Variants in INPP4A observed in about 807,000 individuals in gnomAD.
INPP4A encodes the protein inositol polyphosphate-4-phosphatase, type I, 107kD.
A neutral mutation model predicts 119.8 loss-of-function variants in INPP4A; 33 were observed. The observed-to-expected ratio is 0.28, with a 90% CI of 0.21 to 0.37. INPP4A has a LOEUF of 0.37. Ranked by LOEUF, INPP4A falls within the 10% of genes least tolerant of loss-of-function variation. The pLI is 1.00. For synonymous variants in INPP4A, 496 were observed against 500.7 expected (o/e 0.99, Z 0.12); for missense variants, 956 against 1,289.9 (o/e 0.74, Z 3.97).
chr2:98,583,750 C>T lies in INPP4A; in HGVS notation c.2787-3726C>T, dbSNP rs191794734. The stretch of plus-strand genomic sequence containing the variant: ...AAACCCAGTCGACCACAAAAGGCAG[C>T]GAGCGACCTCTCTTCATTATCTCTC... On this transcript the variant is annotated intron_variant, in intron 24 of 24. Transcript: ENST00000409851. Among the ~76,000 whole-genome samples, 82 of 152,298 alleles carry T rather than the reference C, an allele frequency of 5.4e-4. 3 individuals carry two copies. The South Asian group carries it at 0.016, about 30-fold the overall frequency.
At chr2:98,485,152 G>A (rs559779966) in intron 1 of INPP4A, among the ~76,000 whole-genome samples, 3 of 152,338 alleles carry the variant, frequency 2.0e-5, no homozygotes, top group African/African-American at 7.2e-5. Context: ...TGGTAGTGGA[G>A]ACCATCCTGA....
chr2:98,566,379 C>T lies in INPP4A; in HGVS notation c.2420+210C>T, dbSNP rs1188116574. Among the ~76,000 whole-genome samples the T allele has an allele frequency of 6.6e-6, 1 of 152,088 alleles. No individual in the cohort carries two copies. Among genetic ancestry groups the T allele is most frequent in the Non-Finnish European group, 1.5e-5 (1 of 68,014 alleles). ...GAGGTGGTCTCTGTCCTCAGGGACT[C>T]AGCTGGTGGGAGAGAGAGAGACATG... On this transcript the variant is annotated intron_variant, in intron 21 of 24. Transcript: ENST00000409851. The surrounding 1 kb of genome is among the most constrained non-coding windows in gnomAD (Gnocchi z 4.2).
intron 1 of INPP4A, among the ~76,000 whole-genome samples, chr2:98,487,084 C>A (rs1282894692): frequency 1.3e-5 from 2 of 152,208 alleles, no homozygotes; most frequent in African/African-American, 4.8e-5. Context: ...AGAAAAGTTG[C>A]AAAGAGTGCC....
intron 1 of INPP4A, among the ~76,000 whole-genome samples, chr2:98,460,047 A>G (rs773327115): frequency 4.0e-5 from 6 of 150,352 alleles, no homozygotes; most frequent in Admixed American, 2.0e-4. Context: ...GCTGGAACCT[A>G]GGTCTGCTTC....
At chr2:98,455,007 C>T (rs554280989) in intron 1 of INPP4A, among the ~76,000 whole-genome samples, 9 of 152,228 alleles carry the variant, frequency 5.9e-5, no homozygotes, top group Middle Eastern at 3.4e-3. Flanking sequence ...GTATGTTTGA[C>T]AGAACCCAAT....
At position 98,559,443 on chromosome 2, in the gene INPP4A, C is replaced by G. The variant is rs771496389; in HGVS notation, c.1823-20C>G. ...TGTGCTGCTCCTTAATCATCCATGT[C>G]GCCCTCCATTTCTGTGCAGATTGCA... is the stretch of plus-strand genomic sequence containing the variant. On this transcript the variant is annotated intron_variant, in intron 16 of 24. Coordinates refer to ENST00000409851, the MANE Select transcript of INPP4A (RefSeq NM_001134225.2). 6.2e-7 allele frequency: 1 copy of G among 1,613,756 alleles called. No homozygotes were observed. The highest frequency in any genetic ancestry group is 1.3e-5 in the African/African-American group (1 of 74,922).
chr2:98,577,920 A>G (rs1388346816), intron 24 of INPP4A, among the ~76,000 whole-genome samples: 2 of 152,122 alleles, frequency 1.3e-5, no homozygotes, highest in Admixed American at 6.5e-5. Flanking sequence ...ACTTCTACTA[A>G]ATGTTCTGTA....
At chr2:98,533,545 G>A (rs745529706) in intron 5 of INPP4A, 50 bp downstream of exon 5, 1 of 1,089,256 alleles carries the variant, frequency 9.2e-7, no homozygotes, top group Non-Finnish European at 1.4e-6. Flanking sequence ...TGCTCTAGTG[G>A]TGTCTCTTGT....
At chr2:98,538,775 G>T in intron 8 of INPP4A, 116 bp from the exon 9 acceptor site, 1 of 661,812 alleles carries the variant, frequency 1.5e-6, no homozygotes, top group Non-Finnish European at 2.8e-6. Flanking sequence ...AGAGTTCATG[G>T]TGGATATTCA....
Position 98,566,174 on chromosome 2 carries a change from G to A in INPP4A, c.2420+5G>A, listed in dbSNP as rs1372493563. 6.3e-6 allele frequency: 10 copies of A among 1,580,824 alleles called. No individual in the cohort carries two copies. Among genetic ancestry groups the A allele is most frequent in the Non-Finnish European group, 7.8e-6 (9 of 1,159,600 alleles). ...GCAGCAGACACTGGCCGAGAGGTGC[G>A]TGCCGGCTCCTCGGGGCTGCGGGGG... On this transcript the variant is annotated splice_donor_5th_base_variant and intron_variant, in intron 21 of 24. Transcript: ENST00000409851. The surrounding 1 kb of genome is among the most constrained non-coding windows in gnomAD (Gnocchi z 4.2).
intron 1 of INPP4A, among the ~76,000 whole-genome samples, chr2:98,486,271 G>A (rs954676842): frequency 2.0e-5 from 3 of 152,222 alleles, no homozygotes; most frequent in African/African-American, 7.2e-5. Context: ...ATATATGCTG[G>A]TGATGCTGTG....
chr2:98,562,057 A>G (rs1292061884), intron 17 of INPP4A, among the ~76,000 whole-genome samples: 1 of 152,204 alleles, frequency 6.6e-6, no homozygotes. Flanking sequence ...GCCTGTGGTC[A>G]CCTCTGCTCA....
chr2:98,496,413 A>G (rs1047107567), intron 1 of INPP4A, among the ~76,000 whole-genome samples: 1 of 152,222 alleles, frequency 6.6e-6, no homozygotes. Flanking sequence ...AACTGACACT[A>G]TGAAACTGCT....
At chr2:98,446,137 C>A (rs933460364) in intron 1 of INPP4A, among the ~76,000 whole-genome samples, 2 of 152,188 alleles carry the variant, frequency 1.3e-5, no homozygotes, top group African/African-American at 4.8e-5. Flanking sequence ...GACTCTGGTT[C>A]TTATCTCTAA....
At position 98,546,294 on chromosome 2, in the gene INPP4A, A is replaced by G. The variant is rs564736314; in HGVS notation, c.1054+221A>G. On this transcript the variant is annotated intron_variant, in intron 12 of 24. Coordinates refer to ENST00000409851, the MANE Select transcript of INPP4A (RefSeq NM_001134225.2). This position sits in a 1 kb window ranked among gnomAD's most constrained non-coding sequence, Gnocchi z 4.2. ...GCTTCCCTTTGTATTTCTGCAGTAG[A>G]AAGTTGCCTGTCGGCCCTTCTTCCC... 1.3e-5 allele frequency among the ~76,000 whole-genome samples: 2 copies of G among 152,332 alleles called. No homozygotes were observed. Among genetic ancestry groups the G allele is most frequent in the African/African-American group, 4.8e-5 (2 of 41,570 alleles).
intron 1 of INPP4A, among the ~76,000 whole-genome samples, chr2:98,461,247 G>C (rs1430905327): frequency 6.6e-6 from 1 of 152,232 alleles, no homozygotes; most frequent in Non-Finnish European, 1.5e-5. Context: ...ACTTCACTAT[G>C]CCACATGATG....
chr2:98,590,868 C>A lies in INPP4A; in HGVS notation c.*3260C>A, dbSNP rs1233828915. On this transcript the variant is annotated 3_prime_UTR_variant, in exon 25 of 25. Coordinates refer to ENST00000409851, the MANE Select transcript of INPP4A (RefSeq NM_001134225.2). Reference sequence around the variant, plus strand: ...AACATGTGCCTTTTCCCTTTATTCTCATTGATGGTAGCAGTGCACCTCGTT... The same window carrying A: ...AACATGTGCCTTTTCCCTTTATTCTAATTGATGGTAGCAGTGCACCTCGTT... The A allele has an allele frequency of 4.3e-6, 1 of 230,862 alleles. No homozygotes were observed. Among genetic ancestry groups the A allele is most frequent in the Non-Finnish European group, 8.6e-6 (1 of 116,678 alleles). The allele number at this position is 230,862 out of a possible 1,614,324, so 14.3% of individuals were successfully genotyped here. A position where few individuals can be genotyped will look rare whatever the true frequency, so the allele number is the denominator to read the frequency against.
chr2:98,520,676 T>C lies in INPP4A; in HGVS notation c.107-11T>C. On this transcript the variant is annotated splice_polypyrimidine_tract_variant and intron_variant, in intron 3 of 24. Transcript: ENST00000409851. ...TAAGGATGATTTTTCTGTCATTTCT[T>C]TTCTATTCAGGAAATATACAAGACC... 4.8e-6 allele frequency: 7 copies of C among 1,472,026 alleles called. No homozygotes were observed. The highest frequency in any genetic ancestry group is 5.5e-6 in the Non-Finnish European group (6 of 1,083,464). 91.2% of individuals were successfully genotyped at this position (1,472,026 alleles called of 1,614,324 possible).
intron 1 of INPP4A, among the ~76,000 whole-genome samples, chr2:98,481,312 T>C (rs1678396903): frequency 6.6e-6 from 1 of 152,092 alleles, no homozygotes; most frequent in Non-Finnish European, 1.5e-5. Flanking sequence ...AAGGATGTCT[T>C]CCTCTGAAAA....
Sources: allele counts gnomAD v4.1 joint callset (sites outside exome capture counted in the v4.1 genomes callset), GRCh38; gene constraint gnomAD v4.1.1; non-coding constraint Gnocchi (gnomAD v3.1); transcripts MANE v1.5; gene names NCBI Gene and HGNC (gene_info 2026-07-23, HGNC 2026-07-21).